Variants in NAA16 observed in about 807,000 individuals in gnomAD.
The protein encoded by NAA16 is N-alpha-acetyltransferase 16, NatA auxiliary subunit.
Under a neutral mutation model 110.3 loss-of-function variants are expected in NAA16, and 97 were observed. The observed-to-expected ratio is 0.88, with a 90% confidence interval of 0.75 to 1.04. The LOEUF (loss-of-function observed/expected upper bound fraction) is 1.04. Ranked by LOEUF, NAA16 falls within the 50% of genes least tolerant of loss-of-function variation. NAA16 has a pLI of 0.00. For missense variants in NAA16, 1,017 were observed against 1,005.1 expected (o/e 1.01, Z -0.16); for synonymous variants, 372 against 330.6 (o/e 1.13, Z -1.36).
rs543383309 is a variant in NAA16, at chr13:41,327,160, T to C, written c.691+1309T>C. Among the ~76,000 whole-genome samples, 44 of 152,250 alleles carry C rather than the reference T, an allele frequency of 2.9e-4. No homozygotes were observed. In the South Asian group the frequency reaches 7.9e-3, roughly 27 times the overall value. The stretch of plus-strand genomic sequence containing the variant: ...TCTTACTTTTAACTACTATACTCTT[T>C]CTGGTTAATGTATAGTACATGAGTG... On this transcript the variant is annotated intron_variant, in intron 6 of 19. Coordinates refer to ENST00000379406, the MANE Select transcript of NAA16 (RefSeq NM_024561.5).
At chr13:41,372,059 A>T in intron 15 of NAA16, 144 bp from the exon 16 acceptor site, 1 of 688,112 alleles carries the variant, frequency 1.5e-6, no homozygotes. Flanking sequence ...TTATTTACAG[A>T]TGATTTTTAA....
intron 13 of NAA16, chr13:41,362,384 A>C (rs745349558): frequency 4.0e-5 from 18 of 445,426 alleles, no homozygotes; most frequent in Non-Finnish European, 6.3e-5. Context: ...TCTGAAGGAA[A>C]AAGATTGTTA....
chr13:41,363,644 T>G (rs1593520307), intron 13 of NAA16, among the ~76,000 whole-genome samples: 1 of 152,258 alleles, frequency 6.6e-6, no homozygotes, highest in East Asian at 1.9e-4. Flanking sequence ...TGTCAGAAAA[T>G]CTACTGACAT....
intron 9 of NAA16, among the ~76,000 whole-genome samples, chr13:41,339,438 CGAAA>C (rs2042474150): frequency 6.6e-6 from 1 of 151,768 alleles, no homozygotes; most frequent in South Asian, 2.1e-4. Flanking sequence ...CGCGCCTGGC[CGAAA>C]TGTATTTCTT....
intron 13 of NAA16, among the ~76,000 whole-genome samples, chr13:41,363,972 G>T (rs144852346): frequency 6.6e-6 from 1 of 151,946 alleles, no homozygotes; most frequent in South Asian, 2.1e-4. Flanking sequence ...AATGTGTTTC[G>T]TATAAATAGG....
chr13:41,374,045 C>T (rs2043378383), intron 18 of NAA16, among the ~76,000 whole-genome samples: 2 of 151,698 alleles, frequency 1.3e-5, no homozygotes, highest in Non-Finnish European at 2.9e-5. Context: ...ATTGAACATA[C>T]AATATAATCT....
At chr13:41,332,077 C>T (rs921028128) in intron 8 of NAA16, among the ~76,000 whole-genome samples, 2 of 151,752 alleles carry the variant, frequency 1.3e-5, no homozygotes, top group African/African-American at 2.4e-5. Context: ...TTTTTGTTTC[C>T]GAGACAAGAT....
intron 8 of NAA16, among the ~76,000 whole-genome samples, chr13:41,332,963 C>T (rs2042279942): frequency 6.6e-6 from 1 of 152,012 alleles, no homozygotes; most frequent in Non-Finnish European, 1.5e-5. Flanking sequence ...ATACAGAGAG[C>T]AGATTTCTCT....
chr13:41,362,356 CAT>C (rs766838942), intron 13 of NAA16, 197 bp downstream of exon 13: 6 of 518,204 alleles, frequency 1.2e-5, no homozygotes, highest in Non-Finnish European at 2.0e-5. Flanking sequence ...ATGCTTTTGA[CAT>C]GTCTATATAT....
Position 41,367,520 on chromosome 13 carries a change from CT to C in NAA16, c.1625del (p.Leu542Ter). The C allele has an allele frequency of 6.2e-7, 1 of 1,613,292 alleles. No individual in the cohort carries two copies. Among genetic ancestry groups the C allele is most frequent in the Non-Finnish European group, 8.5e-7 (1 of 1,179,642 alleles). The stretch of plus-strand genomic sequence containing the variant: ...GATGACCCTTCGTGCCTATGTTGAC[CT>C]TTTGAGATTAGAAGATATACTCAGA... ...RKMTLRAYVD[L>X]LRLEDILRRH... On this transcript the variant is annotated frameshift_variant, in exon 14 of 20. Coordinates refer to ENST00000379406, the MANE Select transcript of NAA16 (RefSeq NM_024561.5). LOFTEE classifies it high-confidence loss of function.
intron 11 of NAA16, 144 bp from the exon 12 acceptor site, chr13:41,358,666 A>C: frequency 7.0e-7 from 1 of 1,430,624 alleles, no homozygotes; most frequent in Non-Finnish European, 9.2e-7. Context: ...GCTCTTAGTA[A>C]ATGTGAACTG....
At chr13:41,340,201 A>AAAAAC (rs2042498485) in intron 9 of NAA16, among the ~76,000 whole-genome samples, 2 of 152,216 alleles carry the variant, frequency 1.3e-5, no homozygotes, top group East Asian at 3.9e-4. Context: ...CTTGTTTTGA[A>AAAAAC]AAGTACTTAA....
intron 6 of NAA16, among the ~76,000 whole-genome samples, chr13:41,326,570 C>G (rs994747424): frequency 1.3e-5 from 2 of 152,036 alleles, no homozygotes; most frequent in African/African-American, 4.8e-5. Flanking sequence ...AAGATGGATG[C>G]TATTTATTAA....
intron 3 of NAA16, among the ~76,000 whole-genome samples, chr13:41,319,825 AT>A (rs2041902813): frequency 1.3e-5 from 2 of 149,754 alleles, no homozygotes; most frequent in African/African-American, 2.5e-5. Context: ...CCAAAAAAAA[AT>A]TTTTTTTTAA....
rs80101252 is a variant in NAA16, at chr13:41,341,988, T to C, written c.1014+5232T>C. Reference sequence around the variant, plus strand: ...CTGGGACTACAGGCGCCCGCTACCATGCCCGGCTAATTTTTTTGTACTTTT... The same window carrying C: ...CTGGGACTACAGGCGCCCGCTACCACGCCCGGCTAATTTTTTTGTACTTTT... On this transcript the variant is annotated intron_variant, in intron 9 of 19. Coordinates refer to ENST00000379406, the MANE Select transcript of NAA16 (RefSeq NM_024561.5). 3.8e-3 allele frequency among the ~76,000 whole-genome samples: 581 copies of C among 151,180 alleles called. 16 individuals carry two copies. The East Asian group carries it at 0.093, about 24-fold the overall frequency.
In NAA16 at chr13:41,376,690, T is replaced by C. The variant is rs918686072; in HGVS notation, c.*1088T>C. 1 of 152,236 alleles carries C rather than the reference T, an allele frequency of 6.6e-6. No homozygotes were observed. Among genetic ancestry groups the C allele is most frequent in the East Asian group, 1.9e-4 (1 of 5,198 alleles). 9.4% of individuals were successfully genotyped at this position (152,236 alleles called of 1,614,324 possible). A position where few individuals can be genotyped will look rare whatever the true frequency, so the allele number is the denominator to read the frequency against. ...CATGCATTGACCATTAAATGCATTT[T>C]AATATCTCGGCAAAATGAGATTTGA... On this transcript the variant is annotated 3_prime_UTR_variant, in exon 20 of 20. Coordinates refer to ENST00000379406, the MANE Select transcript of NAA16 (RefSeq NM_024561.5).
rs2043231128 is a variant in NAA16, at chr13:41,367,551, A to G, written c.1652A>G (p.His551Arg). ...AGATTAGAAGATATACTCAGAAGAC[A>G]TGCCTTTTATTTCAAGGCTGCTAGA... The part of the protein sequence containing the change: ...LLRLEDILRR[H>R]AFYFKAARSA... The change falls in exon 14 of 20, where the codon CAT becomes CGT. Residue 551 changes from histidine (H) to arginine (R), a missense_variant. Physicochemically the swap from His to Arg is conservative, Grantham distance 29 (BLOSUM62 0). Transcript: ENST00000379406. 3 of 1,613,212 alleles carry G rather than the reference A, an allele frequency of 1.9e-6. No individual in the cohort carries two copies. Among genetic ancestry groups the G allele is most frequent in the Non-Finnish European group, 2.5e-6 (3 of 1,179,462 alleles).
At chr13:41,328,166 A>T (rs1163734333) in intron 6 of NAA16, 1 of 151,988 alleles carries the variant, frequency 6.6e-6, no homozygotes, top group Non-Finnish European at 1.5e-5. Context: ...GGCTTAGTAA[A>T]AGGATTTGAC....
intron 8 of NAA16, among the ~76,000 whole-genome samples, chr13:41,335,543 A>G (rs1464834529): frequency 1.3e-5 from 2 of 152,228 alleles, no homozygotes; most frequent in African/African-American, 4.8e-5. Flanking sequence ...GCAGTGGTGT[A>G]TAATTTAACC....
Sources: allele counts gnomAD v4.1 joint callset (sites outside exome capture counted in the v4.1 genomes callset), GRCh38; gene constraint gnomAD v4.1.1; transcripts MANE v1.5; gene names NCBI Gene and HGNC (gene_info 2026-07-23, HGNC 2026-07-21).